Variants in ANK1 observed in about 807,000 individuals in gnomAD.
ANK1 encodes the protein ankyrin-1.
ANK1 carries 51 observed loss-of-function variants against 210.4 expected under a neutral mutation model. The observed-to-expected ratio is 0.24, with a 90% CI of 0.19 to 0.31. ANK1 has a LOEUF of 0.31. Among genes scored for constraint, ANK1 ranks in the 10% least tolerant of loss-of-function variants. ANK1 has a pLI of 1.00. For synonymous variants in ANK1, 967 were observed against 1,025.9 expected (o/e 0.94, Z 1.10); for missense variants, 2,051 against 2,504.4 (o/e 0.82, Z 3.86).
At chr8:41,846,411 G>A (rs979094030) in intron 1 of ANK1, among the ~76,000 whole-genome samples, 2 of 152,218 alleles carry the variant, frequency 1.3e-5, no homozygotes, top group Admixed American at 6.5e-5. Context: ...CTGGAGCTAC[G>A]ATGGCAGAGC....
At position 41,732,984 on chromosome 8, in the gene ANK1, C is replaced by T. The variant is rs189270104; in HGVS notation, c.228+987G>A. 3.1e-3 allele frequency among the ~76,000 whole-genome samples: 473 copies of T among 152,244 alleles called. 2 individuals are homozygous for T. The highest frequency in any genetic ancestry group is 5.4e-3 in the Non-Finnish European group (367 of 68,010). On this transcript the variant is annotated intron_variant, in intron 3 of 42. Coordinates refer to ENST00000289734, the MANE Select transcript of ANK1 (RefSeq NM_000037.4). ...AACTCCTGACCTCAAGTGATCCTCC[C>T]GCCTCAGCCTCCCAAAGTGCTGGGA...
chr8:41,718,139 C>T lies in ANK1; in HGVS notation c.1173G>A (p.Leu391=), dbSNP rs1371993217. 5 of 1,614,084 alleles carry T rather than the reference C, an allele frequency of 3.1e-6. No homozygotes were observed. Among genetic ancestry groups the T allele is most frequent in the Non-Finnish European group, 3.4e-6 (4 of 1,180,012 alleles). The change falls in exon 11 of 43, where the codon CTG becomes CTA. Residue 391 remains leucine (L), a synonymous_variant. Transcript: ENST00000289734. ...KNHVRVMELL[L]KTGASIDAVT... is the part of the protein sequence containing the mutation. The stretch of plus-strand genomic sequence containing the variant: ...CCGCGTCGATCGAGGCTCCCGTCTT[C>T]AGCAGCAGCTCCATGACACGGACGT...
At chr8:41,717,519 G>T in intron 12 of ANK1, 85 bp downstream of exon 12, 2 of 1,259,196 alleles carry the variant, frequency 1.6e-6, no homozygotes, top group Non-Finnish European at 2.3e-6. Flanking sequence ...TCTGTCCCCA[G>T]AGAGTAGGAC....
In ANK1 at chr8:41,680,238, G is replaced by A. The variant is rs957257357; in HGVS notation, c.4537+4306C>T. Among the ~76,000 whole-genome samples, 10 of 152,156 alleles carry A rather than the reference G, an allele frequency of 6.6e-5. No individual in the cohort carries two copies. In the East Asian group the frequency reaches 1.3e-3, roughly 21 times the overall value. On this transcript the variant is annotated intron_variant, in intron 37 of 42. Coordinates refer to ENST00000289734, the MANE Select transcript of ANK1 (RefSeq NM_000037.4). ...GAGTTTCCCACCTTGAGACTTCCACGGCATTTGCTTTAGTGGAATTTCACC... is the reference window on the plus strand; with the variant it reads ...GAGTTTCCCACCTTGAGACTTCCACAGCATTTGCTTTAGTGGAATTTCACC...
intron 13 of ANK1, among the ~76,000 whole-genome samples, chr8:41,716,614 A>AAG (rs1370983322): frequency 6.6e-6 from 1 of 152,198 alleles, no homozygotes; most frequent in East Asian, 1.9e-4. Context: ...GTTTTAGATC[A>AAG]AGTAATTCTT....
Position 41,725,776 on chromosome 8 carries a change from C to G in ANK1, c.597G>C (p.Pro199=). The change falls in exon 6 of 43, where the codon CCG becomes CCC. Residue 199 remains proline, a synonymous_variant. Transcript: ENST00000289734. ...TCGCCCTCACCTTGGAAAGCACGTC[C>G]GGGTTGGGGTCGTTCTGCAGCAGCA... ...AAVLLQNDPN[P]DVLSKTGFTP... 6.2e-7 allele frequency: 1 copy of G among 1,610,240 alleles called. No homozygotes were observed. Among genetic ancestry groups the G allele is most frequent in the African/African-American group, 1.3e-5 (1 of 74,984 alleles).
chr8:41,702,541 C>T (rs1303997827), intron 20 of ANK1, among the ~76,000 whole-genome samples: 2 of 152,234 alleles, frequency 1.3e-5, no homozygotes, highest in Non-Finnish European at 2.9e-5. Flanking sequence ...CTCCCAAAGT[C>T]TGTTCTTGGG....
intron 1 of ANK1, among the ~76,000 whole-genome samples, chr8:41,863,342 T>C (rs1356646613): frequency 6.6e-6 from 1 of 151,804 alleles, no homozygotes; most frequent in East Asian, 1.9e-4. Context: ...CTGGGCAATA[T>C]AGCAAGACTC....
Position 41,654,013 on chromosome 8 carries a change from C to T in ANK1, c.*1777G>A, listed in dbSNP as rs1171449821. ...CTCACAGGCCCCGCGGCCAGGGGGC[C>T]TCTGACGTGGAGGGGGCTTCTGTGC... On this transcript the variant is annotated 3_prime_UTR_variant, in exon 43 of 43. Coordinates refer to ENST00000289734, the MANE Select transcript of ANK1 (RefSeq NM_000037.4). The T allele has an allele frequency of 6.6e-6, 1 of 152,192 alleles. No individual in the cohort carries two copies. Among genetic ancestry groups the T allele is most frequent in the East Asian group, 1.9e-4 (1 of 5,150 alleles). The allele number at this position is 152,192 out of a possible 1,614,324, so 9.4% of individuals were successfully genotyped here.
intron 22 of ANK1, among the ~76,000 whole-genome samples, chr8:41,700,998 G>T (rs1016302962): frequency 6.6e-6 from 1 of 152,064 alleles, no homozygotes; most frequent in African/African-American, 2.4e-5. Flanking sequence ...TGAACTCCTA[G>T]CCTCAAGCAA....
At chr8:41,803,042 A>AAAGAAAGG (rs1850259973) in intron 1 of ANK1, among the ~76,000 whole-genome samples, 1 of 66,578 alleles carries the variant, frequency 1.5e-5, no homozygotes, top group Non-Finnish European at 3.3e-5. Context: ...AGAAAGAAAG[A>AAAGAAAGG]GAAAGAAAGA....
intron 38 of ANK1, 37 bp from the exon 39 acceptor site, chr8:41,668,601 G>A: frequency 6.3e-7 from 1 of 1,593,800 alleles, no homozygotes; most frequent in Non-Finnish European, 8.6e-7. Context: ...GCCGGCCGGG[G>A]AGAGAGAAAA....
chr8:41,796,810 G>C (rs1848821104), intron 1 of ANK1, among the ~76,000 whole-genome samples: 3 of 151,914 alleles, frequency 2.0e-5, no homozygotes, highest in Admixed American at 2.0e-4. Flanking sequence ...GGCACAGGCT[G>C]GCCGTGCTGC....
chr8:41,698,092 G>A lies in ANK1; in HGVS notation c.2588C>T (p.Pro863Leu). The change falls in exon 24 of 43, where the codon CCC becomes CTC. Residue 863 changes from proline (P) to leucine (L), a missense_variant. By Grantham distance (98) the Pro-to-Leu change is moderately conservative. Around this residue, in one of 6 missense-constraint regions of ANK1, gnomAD observed 1,413 missense variants for 1,707.4 expected, o/e 0.83. Transcript: ENST00000289734. ...CACCACTGTCTCAGGCATGGCACAG[G>A]GAATCCTGGGGATGGCTGGAGATTC... ...VVESPAIPRI[P>L]CAMPETVVIR... 2.5e-6 allele frequency: 4 copies of A among 1,614,096 alleles called. No homozygotes were observed. Among genetic ancestry groups the A allele is most frequent in the Non-Finnish European group, 3.4e-6 (4 of 1,180,030 alleles).
At chr8:41,873,178 A>G (rs1815887832) in intron 1 of ANK1, among the ~76,000 whole-genome samples, 1 of 152,266 alleles carries the variant, frequency 6.6e-6, no homozygotes, top group African/African-American at 2.4e-5. Context: ...TAGTCTATAA[A>G]GAAACTACAT....
At position 41,655,953 on chromosome 8, in the gene ANK1, C is replaced by T. The variant is rs566264594; in HGVS notation, c.*37-200G>A. The stretch of plus-strand genomic sequence containing the variant: ...AGATGCCGCCCTCCTTCTCTTGCTC[C>T]CTATGCAGAGGCTGTTCCTCAGAGC... On this transcript the variant is annotated intron_variant, in intron 42 of 42. Transcript: ENST00000289734. Among the ~76,000 whole-genome samples, 119 of 152,368 alleles carry T rather than the reference C, an allele frequency of 7.8e-4. 1 individual carries two copies. Among genetic ancestry groups the T allele is most frequent in the Middle Eastern group, 3.4e-3 (1 of 294 alleles).
intron 1 of ANK1, among the ~76,000 whole-genome samples, chr8:41,856,984 C>T (rs1812308706): frequency 6.7e-6 from 1 of 149,098 alleles, no homozygotes; most frequent in Non-Finnish European, 1.5e-5. Flanking sequence ...TGGGTTCAGG[C>T]TTCCCTGCCT....
intron 1 of ANK1, among the ~76,000 whole-genome samples, chr8:41,891,037 G>T (rs1819347132): frequency 6.6e-6 from 1 of 152,196 alleles, no homozygotes; most frequent in Non-Finnish European, 1.5e-5. Context: ...TGCGTGGAAG[G>T]TGCAGAGAGA....
chr8:41,720,228 T>A lies in ANK1; in HGVS notation c.910-370A>T, dbSNP rs552708387. Among the ~76,000 whole-genome samples the A allele has an allele frequency of 2.0e-5, 3 of 152,346 alleles. No individual in the cohort carries two copies. The East Asian group carries it at 5.8e-4, about 29-fold the overall frequency. ...GGAGTGTATCTCTTCTCTTTATTTA[T>A]ACGCCTCTTAAGATCAGTGACTTAG... On this transcript the variant is annotated intron_variant, in intron 9 of 42. Coordinates refer to ENST00000289734, the MANE Select transcript of ANK1 (RefSeq NM_000037.4).
Sources: allele counts gnomAD v4.1 joint callset (sites outside exome capture counted in the v4.1 genomes callset), GRCh38; gene constraint gnomAD v4.1.1; regional missense constraint gnomAD v4.1.1; transcripts MANE v1.5; gene names NCBI Gene and HGNC (gene_info 2026-07-23, HGNC 2026-07-21).